The following FAM222B variants were observed in gnomAD, a reference collection of about 807,000 sequenced individuals.
The protein encoded by FAM222B is family with sequence similarity 222 member B.
A neutral mutation model predicts 38.0 loss-of-function variants in FAM222B; 12 were observed. That is an observed-to-expected ratio of 0.32 (90% CI 0.20 to 0.51). The LOEUF is 0.51. Among genes scored for constraint, FAM222B ranks in the 20% least tolerant of loss-of-function variants. The probability of loss-of-function intolerance (pLI) is 0.97; values close to 1 mark genes in which losing one functional copy is unlikely to be tolerated. For missense variants in FAM222B, 716 were observed against 754.2 expected (o/e 0.95, Z 0.59); for synonymous variants, 329 against 317.2 (o/e 1.04, Z -0.40).
intron 1 of FAM222B, among the ~76,000 whole-genome samples, chr17:28,813,028 G>GT (rs2037861077): frequency 1.6e-5 from 1 of 63,112 alleles, no homozygotes; most frequent in African/African-American, 5.3e-5. Flanking sequence ...TAAGCGGGGG[G>GT]GGGGGGGGGG....
intron 1 of FAM222B, among the ~76,000 whole-genome samples, chr17:28,794,622 T>TTAC (rs1251635400): frequency 2.0e-5 from 3 of 152,194 alleles, no homozygotes; most frequent in Non-Finnish European, 4.4e-5. Flanking sequence ...AATATTTTGC[T>TTAC]TGTAAGTCCA....
Position 28,803,775 on chromosome 17 carries a change from C to T in FAM222B, c.-40-37068G>A, listed in dbSNP as rs541448775. Reference sequence around the variant, plus strand: ...CGGGTGGATCAAGAGGTCAGGAGTTCAAGACCAGCCTGGCCAAGATGGTGA... The same window carrying T: ...CGGGTGGATCAAGAGGTCAGGAGTTTAAGACCAGCCTGGCCAAGATGGTGA... On this transcript the variant is annotated intron_variant, in intron 1 of 2. Transcript: ENST00000581407. Among the ~76,000 whole-genome samples the T allele has an allele frequency of 4.6e-5, 7 of 152,014 alleles. No homozygotes were observed. In the South Asian group the frequency reaches 1.0e-3, roughly 23 times the overall value.
At chr17:28,820,170 T>C (rs1285927632) in intron 1 of FAM222B, among the ~76,000 whole-genome samples, 1 of 152,194 alleles carries the variant, frequency 6.6e-6, no homozygotes, top group Admixed American at 6.5e-5. Flanking sequence ...GTCAGCAGAC[T>C]ATCCCATAAC....
chr17:28,766,514 C>T, intron 2 of FAM222B, 72 bp downstream of exon 2: 1 of 1,304,134 alleles, frequency 7.7e-7, no homozygotes, highest in Non-Finnish European at 1.1e-6. Context: ...CCCAGATGTG[C>T]TTCAAGGACG....
At chr17:28,778,720 T>TATATATATATATATA (rs1491503132) in intron 1 of FAM222B, among the ~76,000 whole-genome samples, 3 of 35,950 alleles carry the variant, frequency 8.3e-5, no homozygotes, top group African/African-American at 2.0e-4. Context: ...TATATATATA[T>TATATATATATATATA]TTTTTTTTTT....
intron 1 of FAM222B, among the ~76,000 whole-genome samples, chr17:28,821,080 C>T (rs201273727): frequency 2.0e-5 from 3 of 151,932 alleles, no homozygotes; most frequent in Admixed American, 6.6e-5. Flanking sequence ...CTCAGTCTCC[C>T]AAGTAGCTGG....
chr17:28,812,279 T>G (rs1046824883), intron 1 of FAM222B: 1 of 152,398 alleles, frequency 6.6e-6, no homozygotes, highest in Non-Finnish European at 1.5e-5. Context: ...CCGCCCGCCT[T>G]GGGCAGCTGA....
intron 1 of FAM222B, among the ~76,000 whole-genome samples, chr17:28,786,155 G>A (rs2036403387): frequency 6.6e-6 from 1 of 151,312 alleles, no homozygotes; most frequent in Non-Finnish European, 1.5e-5. Context: ...TTTTTTTTAA[G>A]TGTGCATGTA....
At chr17:28,776,631 T>A (rs898482545) in intron 1 of FAM222B, among the ~76,000 whole-genome samples, 1 of 151,674 alleles carries the variant, frequency 6.6e-6, no homozygotes, top group Non-Finnish European at 1.5e-5. Context: ...TTTTAAAAAT[T>A]TTTTTGAAGA....
chr17:28,811,365 T>G (rs1474209346), intron 1 of FAM222B, among the ~76,000 whole-genome samples: 1 of 152,052 alleles, frequency 6.6e-6, no homozygotes, highest in Admixed American at 6.6e-5. Context: ...GCTTGAACCC[T>G]GGAGGCAGAG....
intron 2 of FAM222B, among the ~76,000 whole-genome samples, chr17:28,761,308 G>A (rs1391553056): frequency 6.6e-6 from 1 of 152,240 alleles, no homozygotes; most frequent in Non-Finnish European, 1.5e-5. Context: ...GTCTCTGAGG[G>A]AGGGTCTCCC....
intron 1 of FAM222B, among the ~76,000 whole-genome samples, chr17:28,804,173 T>C (rs1462779069): frequency 2.6e-5 from 4 of 152,116 alleles, no homozygotes; most frequent in Non-Finnish European, 1.5e-5. Flanking sequence ...TCCTAGTTCT[T>C]AGGCCTTTGG....
chr17:28,759,100 C>A lies in FAM222B; in HGVS notation c.859G>T (p.Val287Leu). ...QTRAGISTTS[V>L]CEGQIANPSP... Reference sequence around the variant, plus strand: ...GGGTTGGCGATCTGGCCCTCACACACTGAGGTAGTGCTGATGCCTGCCCTC... The same window carrying A: ...GGGTTGGCGATCTGGCCCTCACACAATGAGGTAGTGCTGATGCCTGCCCTC... The change falls in exon 3 of 3, where the codon GTG becomes TTG. Residue 287 changes from valine to leucine, a missense_variant. Physicochemically the swap from Val to Leu is conservative, Grantham distance 32 (BLOSUM62 1). Coordinates refer to ENST00000581407, the MANE Select transcript of FAM222B (RefSeq NM_001077498.3). The surrounding 1 kb of genome is among the most constrained non-coding windows in gnomAD (Gnocchi z 4.8). 1.2e-6 allele frequency: 2 copies of A among 1,611,674 alleles called. No individual in the cohort carries two copies. Among genetic ancestry groups the A allele is most frequent in the Non-Finnish European group, 8.5e-7 (1 of 1,178,976 alleles).
At chr17:28,835,943 G>A (rs577115863) in intron 1 of FAM222B, among the ~76,000 whole-genome samples, 3 of 152,098 alleles carry the variant, frequency 2.0e-5, no homozygotes, top group Non-Finnish European at 1.5e-5. Flanking sequence ...CCAAAGTGCT[G>A]ATATTACAGG....
In FAM222B at chr17:28,797,916, G is replaced by T. The variant is rs568506520; in HGVS notation, c.-40-31209C>A. On this transcript the variant is annotated intron_variant, in intron 1 of 2. Transcript: ENST00000581407. ...TCTCTACAAAAAAAAAATTAGCCAG[G>T]TGTGGTAGTGTGCACCTTTGGTCCC... Among the ~76,000 whole-genome samples, 10 of 152,012 alleles carry T rather than the reference G, an allele frequency of 6.6e-5. No individual in the cohort carries two copies. In the South Asian group the frequency reaches 2.1e-3, roughly 32 times the overall value.
Position 28,759,822 on chromosome 17 carries a change from T to C in FAM222B, c.137A>G (p.Asp46Gly). The change falls in exon 3 of 3, where the codon GAT becomes GGT. Residue 46 changes from aspartate to glycine, a missense_variant. Physicochemically the swap from Asp to Gly is moderately conservative, Grantham distance 94 (BLOSUM62 -1). Coordinates refer to ENST00000581407, the MANE Select transcript of FAM222B (RefSeq NM_001077498.3). This position sits in a 1 kb window ranked among gnomAD's most constrained non-coding sequence, Gnocchi z 4.8. ...TAHYPTPAEL[D>G]AYAKKVANNP... Reference sequence around the variant, plus strand: ...GTTTGCGACCTTCTTAGCATACGCATCCAATTCGGCTGGGGTAGGATAGTG... The same window carrying C: ...GTTTGCGACCTTCTTAGCATACGCACCCAATTCGGCTGGGGTAGGATAGTG... The C allele has an allele frequency of 6.3e-7, 1 of 1,589,440 alleles. No homozygotes were observed. Among genetic ancestry groups the C allele is most frequent in the Non-Finnish European group, 8.6e-7 (1 of 1,167,882 alleles).
At chr17:28,854,999 G>T (rs1311617625) in exon 1 of FAM222B, 3 of 1,527,426 alleles carry the variant, frequency 2.0e-6, no homozygotes, top group Non-Finnish European at 2.6e-6. Flanking sequence ...TCGTAGGAGC[G>T]CTCCTGGTCG....
At chr17:28,768,836 C>CAAAAAA (rs71359249) in intron 1 of FAM222B, among the ~76,000 whole-genome samples, 3 of 70,878 alleles carry the variant, frequency 4.2e-5, no homozygotes, top group African/African-American at 5.5e-5. Context: ...AACTCTGTCT[C>CAAAAAA]AAAAAAAAAA....
At chr17:28,811,466 C>A (rs1321730693) in intron 1 of FAM222B, among the ~76,000 whole-genome samples, 1 of 152,018 alleles carries the variant, frequency 6.6e-6, no homozygotes, top group African/African-American at 2.4e-5. Context: ...ACAAAAAAAC[C>A]CCCACGAACT....
Sources: gnomAD v4.1 joint callset for allele counts (sites outside exome capture counted in the v4.1 genomes callset) on GRCh38, gnomAD v4.1.1 for gene constraint, Gnocchi (gnomAD v3.1) non-coding constraint, MANE v1.5 for transcripts, NCBI Gene and HGNC (gene_info 2026-07-23, HGNC 2026-07-21) for gene names.